Variants in CHD6 observed in about 807,000 individuals in gnomAD.
CHD6 encodes the protein ATP-dependent chromatin remodeler CHD6.
Under a neutral mutation model 276.9 loss-of-function variants are expected in CHD6, and 50 were observed. The observed-to-expected ratio is 0.18, with a 90% CI of 0.14 to 0.23. The LOEUF (loss-of-function observed/expected upper bound fraction) is 0.23. Ranked by LOEUF, CHD6 falls within the 10% of genes least tolerant of loss-of-function variation. CHD6 has a pLI of 1.00. For synonymous variants in CHD6, 1,173 were observed against 1,229.3 expected (o/e 0.95, Z 0.96); for missense variants, 2,564 against 3,365.8 (o/e 0.76, Z 5.89).
intron 1 of CHD6, among the ~76,000 whole-genome samples, 172 bp downstream of exon 1, chr20:41,618,168 G>A (rs2045954690): frequency 1.3e-5 from 2 of 150,622 alleles, no homozygotes; most frequent in South Asian, 4.1e-4. Context: ...CCCGCCCGCC[G>A]GCCCCGCTCG....
rs111410159 is a variant in CHD6 at position 41,567,618 on chromosome 20, A to G, written c.-23-16258T>C. Reference sequence around the variant, plus strand: ...GTTCAGGTACTGATGAAAAAAAAAAAGGGGGTGAGCATTTGGTACCAGGCC... The same window carrying G: ...GTTCAGGTACTGATGAAAAAAAAAAGGGGGGTGAGCATTTGGTACCAGGCC... On this transcript the variant is annotated intron_variant, in intron 1 of 36. Coordinates refer to ENST00000373233, the MANE Select transcript of CHD6 (RefSeq NM_032221.5). Among the ~76,000 whole-genome samples the G allele has an allele frequency of 7.9e-4, 120 of 151,646 alleles. 1 individual carries two copies. The highest frequency in any genetic ancestry group is 2.7e-3 in the African/African-American group (111 of 41,350).
intron 1 of CHD6, among the ~76,000 whole-genome samples, chr20:41,605,046 G>T (rs1263131276): frequency 1.3e-5 from 2 of 152,112 alleles, no homozygotes; most frequent in Admixed American, 6.6e-5. Context: ...ATTCTATGTA[G>T]GAGAATGCCT....
At chr20:41,585,195 C>T (rs982522720) in intron 1 of CHD6, among the ~76,000 whole-genome samples, 3 of 152,018 alleles carry the variant, frequency 2.0e-5, no homozygotes, top group East Asian at 1.9e-4. Context: ...TGAAAGCTAC[C>T]GAAGCTCACT....
chr20:41,470,038 T>C (rs1456666498), intron 17 of CHD6, among the ~76,000 whole-genome samples: 1 of 152,250 alleles, frequency 6.6e-6, no homozygotes. Flanking sequence ...TCTATATTTA[T>C]AGCACGTGGG....
chr20:41,429,345 G>A lies in CHD6; in HGVS notation c.4069-3192C>T, dbSNP rs934252163. Among the ~76,000 whole-genome samples the A allele has an allele frequency of 3.9e-5, 6 of 152,290 alleles. No individual in the cohort carries two copies. The East Asian group carries it at 1.2e-3, about 29-fold the overall frequency. Reference sequence around the variant, plus strand: ...GGTTTCTGTAGGTTCACTGAATCTGGCTGCACGTGACATCTGTAATGATTT... The same window carrying A: ...GGTTTCTGTAGGTTCACTGAATCTGACTGCACGTGACATCTGTAATGATTT... On this transcript the variant is annotated intron_variant, in intron 27 of 36. Transcript: ENST00000373233.
chr20:41,415,667 C>T, intron 33 of CHD6, 29 bp from the exon 34 acceptor site: 1 of 1,493,898 alleles, frequency 6.7e-7, no homozygotes, highest in Non-Finnish European at 9.0e-7. Context: ...CAAGAGAGGT[C>T]TGAATGTCAC....
At chr20:41,508,120 G>A (rs1218456068) in intron 5 of CHD6, among the ~76,000 whole-genome samples, 1 of 152,162 alleles carries the variant, frequency 6.6e-6, no homozygotes, top group Admixed American at 6.5e-5. Flanking sequence ...GCATAGGTGA[G>A]GTTTTAGTTG....
At chr20:41,591,624 C>T (rs1015081969) in intron 1 of CHD6, among the ~76,000 whole-genome samples, 2 of 152,014 alleles carry the variant, frequency 1.3e-5, no homozygotes, top group African/African-American at 2.4e-5. Context: ...ACCCGGGAGG[C>T]GGAGGTTGTG....
chr20:41,522,563 T>C lies in CHD6; in HGVS notation c.555-7611A>G, dbSNP rs551728745. ...ACAATGGTTACAGAAGAATAAGAAC[T>C]TAGGAAAGACACACTGATGTATTTA... On this transcript the variant is annotated intron_variant, in intron 3 of 36. Coordinates refer to ENST00000373233, the MANE Select transcript of CHD6 (RefSeq NM_032221.5). Among the ~76,000 whole-genome samples the C allele has an allele frequency of 3.3e-5, 5 of 152,062 alleles. No individual in the cohort carries two copies. In the South Asian group the frequency reaches 1.0e-3, roughly 32 times the overall value.
chr20:41,489,014 T>A (rs2043486009), intron 12 of CHD6, among the ~76,000 whole-genome samples: 1 of 152,232 alleles, frequency 6.6e-6, no homozygotes, highest in South Asian at 2.1e-4. Context: ...TTTCACCTTA[T>A]AATTTGAGTT....
chr20:41,600,263 C>G (rs1568727230), intron 1 of CHD6, among the ~76,000 whole-genome samples: 1 of 152,198 alleles, frequency 6.6e-6, no homozygotes, highest in Non-Finnish European at 1.5e-5. Context: ...TGGCACAAAT[C>G]ATATGTTATA....
chr20:41,606,103 C>T (rs1325781978), intron 1 of CHD6, among the ~76,000 whole-genome samples: 1 of 152,162 alleles, frequency 6.6e-6, no homozygotes, highest in Non-Finnish European at 1.5e-5. Context: ...CTCGGCCGGG[C>T]GTAGTGGCTT....
Position 41,404,340 on chromosome 20 carries a change from T to A in CHD6, c.*253A>T. 1.7e-6 allele frequency: 2 copies of A among 1,204,732 alleles called. No individual in the cohort carries two copies. Among genetic ancestry groups the A allele is most frequent in the South Asian group, 7.9e-5 (2 of 25,408 alleles). The allele number at this position is 1,204,732 out of a possible 1,614,324, so 74.6% of individuals were successfully genotyped here. A position where few individuals can be genotyped will look rare whatever the true frequency, so the allele number is the denominator to read the frequency against. On this transcript the variant is annotated 3_prime_UTR_variant, in exon 37 of 37. Coordinates refer to ENST00000373233, the MANE Select transcript of CHD6 (RefSeq NM_032221.5). ...GTGTCACCAAGTACTGTATTAACTATGATTGCTGGAATGAACTGGATAACA... is the reference window on the plus strand; with the variant it reads ...GTGTCACCAAGTACTGTATTAACTAAGATTGCTGGAATGAACTGGATAACA...
intron 23 of CHD6, among the ~76,000 whole-genome samples, chr20:41,449,743 T>C (rs539168442): frequency 2.0e-5 from 3 of 152,316 alleles, no homozygotes; most frequent in Admixed American, 1.3e-4. Context: ...ACTGCAAACA[T>C]GTATAGCTTA....
chr20:41,520,851 A>C (rs1362538914), intron 3 of CHD6, among the ~76,000 whole-genome samples: 1 of 152,180 alleles, frequency 6.6e-6, no homozygotes. Context: ...ACAAACTGAT[A>C]GGCAATGATT....
chr20:41,461,920 G>C (rs1261394835), intron 17 of CHD6: 2 of 152,246 alleles, frequency 1.3e-5, no homozygotes, highest in Non-Finnish European at 2.9e-5. Context: ...AGGAAGACCA[G>C]AGCAAAGGTC....
chr20:41,486,304 G>A (rs1235051671), intron 14 of CHD6: 2 of 152,208 alleles, frequency 1.3e-5, no homozygotes, highest in Non-Finnish European at 2.9e-5. Context: ...CAACTTGGGA[G>A]AAGATGTGGG....
intron 20 of CHD6, 97 bp downstream of exon 20, chr20:41,454,529 G>T: frequency 1.1e-6 from 1 of 891,520 alleles, no homozygotes; most frequent in Non-Finnish European, 1.8e-6. Flanking sequence ...TAAGAACCAA[G>T]ACTCAAGAGT....
intron 1 of CHD6, among the ~76,000 whole-genome samples, chr20:41,610,088 A>G (rs888452077): frequency 1.3e-5 from 2 of 152,038 alleles, no homozygotes; most frequent in African/African-American, 4.8e-5. Context: ...AACTCCTGAC[A>G]TCAAGTGATC....
Sources: allele counts gnomAD v4.1 joint callset (sites outside exome capture counted in the v4.1 genomes callset), GRCh38; gene constraint gnomAD v4.1.1; transcripts MANE v1.5; gene names NCBI Gene and HGNC (gene_info 2026-07-23, HGNC 2026-07-21).